The following DAAM1 variants were observed in gnomAD, a reference collection of about 807,000 sequenced individuals.
The protein encoded by DAAM1 is dishevelled associated activator of morphogenesis 1.
A neutral mutation model predicts 130.0 loss-of-function variants in DAAM1; 52 were observed. That is an observed-to-expected ratio of 0.40 (90% confidence interval 0.32 to 0.50). DAAM1 has a LOEUF of 0.50. DAAM1 is among the 20% of genes least tolerant of loss of function. DAAM1 has a pLI of 0.61. For synonymous variants in DAAM1, 452 were observed against 444.5 expected, an observed-to-expected ratio of 1.02 and a Z score of -0.21; for missense variants, 1,134 against 1,303.8, an observed-to-expected ratio of 0.87 and a Z score of 2.01.
At chr14:59,194,548 C>G (rs76256424) in intron 1 of DAAM1, among the ~76,000 whole-genome samples, 12,909 of 152,280 alleles carry the variant, frequency 0.085, 749 homozygotes, top group Non-Finnish European at 0.13. Flanking sequence ...TCACCCTGAA[C>G]AGGGCCACAG....
intron 22 of DAAM1, chr14:59,362,657 A>G (rs1162633257): frequency 1.3e-5 from 2 of 151,628 alleles, no homozygotes; most frequent in African/African-American, 2.4e-5. Flanking sequence ...AAAAAAATCA[A>G]TAAACTGAGG....
At chr14:59,366,926 A>G (rs566234766) in intron 23 of DAAM1, among the ~76,000 whole-genome samples, 9 of 151,916 alleles carry the variant, frequency 5.9e-5, no homozygotes, top group African/African-American at 2.2e-4. Context: ...TATTAAAAAA[A>G]AAAAAAACTA....
intron 21 of DAAM1, among the ~76,000 whole-genome samples, chr14:59,359,787 C>T (rs1251243964): frequency 2.0e-5 from 3 of 152,198 alleles, no homozygotes; most frequent in Non-Finnish European, 2.9e-5. Flanking sequence ...AATAAAGATG[C>T]ATGGCTAAGC....
chr14:59,345,721 T>C (rs999687370), intron 16 of DAAM1, among the ~76,000 whole-genome samples: 2 of 152,136 alleles, frequency 1.3e-5, no homozygotes, highest in Non-Finnish European at 2.9e-5. Flanking sequence ...CATGGGTGAG[T>C]GTGTGCTTTA....
chr14:59,363,126 T>C (rs938969235), intron 22 of DAAM1: 2 of 153,924 alleles, frequency 1.3e-5, no homozygotes, highest in African/African-American at 2.4e-5. Flanking sequence ...AAAACCAATA[T>C]GGTATGGACA....
chr14:59,349,672 A>C (rs917060014), intron 17 of DAAM1, among the ~76,000 whole-genome samples: 3 of 152,248 alleles, frequency 2.0e-5, no homozygotes, highest in African/African-American at 7.2e-5. Context: ...CTCTGATCTC[A>C]GATGAGAGAG....
chr14:59,370,437 A>C lies in DAAM1; in HGVS notation c.*1578A>C, dbSNP rs1887121361. 1 of 152,066 alleles carries C rather than the reference A, an allele frequency of 6.6e-6. No individual in the cohort carries two copies. Among genetic ancestry groups the C allele is most frequent in the South Asian group, 2.1e-4 (1 of 4,812 alleles). The allele number at this position is 152,066 out of a possible 1,614,324, so 9.4% of individuals were successfully genotyped here. On this transcript the variant is annotated 3_prime_UTR_variant, in exon 25 of 25. Coordinates refer to ENST00000360909, the MANE Select transcript of DAAM1 (RefSeq NM_001270520.2). Reference sequence around the variant, plus strand: ...TTCTAATGGGGATATTAAGGGATGAATAGAATACCAATGTGTGCACTGTAC... The same window carrying C: ...TTCTAATGGGGATATTAAGGGATGACTAGAATACCAATGTGTGCACTGTAC...
chr14:59,292,293 T>G (rs1883774770), intron 3 of DAAM1, among the ~76,000 whole-genome samples: 1 of 152,158 alleles, frequency 6.6e-6, no homozygotes, highest in African/African-American at 2.4e-5. Flanking sequence ...AATCCAATAT[T>G]TTTTCAAGAC....
chr14:59,324,083 TA>T, intron 6 of DAAM1, 44 bp from the exon 7 acceptor site: 1 of 1,199,254 alleles, frequency 8.3e-7, no homozygotes, highest in Non-Finnish European at 1.1e-6. Flanking sequence ...AAAATGAGCA[TA>T]AGGTTAGTAA....
intron 17 of DAAM1, among the ~76,000 whole-genome samples, chr14:59,349,657 C>CT (rs1304463389): frequency 1.3e-5 from 2 of 152,252 alleles, no homozygotes; most frequent in South Asian, 4.1e-4. Context: ...CTTGCAGCTG[C>CT]TGAGCTCTGA....
intron 22 of DAAM1, among the ~76,000 whole-genome samples, chr14:59,361,218 T>C (rs1206446796): frequency 1.3e-5 from 2 of 152,206 alleles, no homozygotes; most frequent in African/African-American, 2.4e-5. Flanking sequence ...TCACTTTCGG[T>C]AGAGCAGTAG....
intron 3 of DAAM1, among the ~76,000 whole-genome samples, chr14:59,294,578 T>TTA (rs397734279): frequency 6.6e-6 from 1 of 151,848 alleles, no homozygotes; most frequent in Non-Finnish European, 1.5e-5. Flanking sequence ...TTTTTTTTTT[T>TTA]ACTTTCATGA....
chr14:59,353,934 C>T lies in DAAM1; in HGVS notation c.2326C>T (p.Arg776Cys). ...GTACTTCAAAAAGAAGTTTGCAGAG[C>T]GTGTGGCAGAAGTGAAACCTAAAGT... ...SLYFKKKFAE[R>C]VAEVKPKVEA... The change falls in exon 19 of 25, where the codon CGT becomes TGT. Residue 776 changes from arginine (R) to cysteine (C), a missense_variant. Coordinates refer to ENST00000360909, the MANE Select transcript of DAAM1 (RefSeq NM_001270520.2). 1.9e-6 allele frequency: 3 copies of T among 1,613,988 alleles called. No homozygotes were observed. The highest frequency in any genetic ancestry group is 1.1e-5 in the South Asian group (1 of 91,070).
rs140345306 is a variant in DAAM1 at position 59,208,443 on chromosome 14, C to T, written c.-38+19675C>T. On this transcript the variant is annotated intron_variant, in intron 1 of 24. Transcript: ENST00000360909. Reference sequence around the variant, plus strand: ...TCAGCCAATCATCTGAGGCCATGGCCGGACTCCCCATCTTTGCAGTTTCGA... The same window carrying T: ...TCAGCCAATCATCTGAGGCCATGGCTGGACTCCCCATCTTTGCAGTTTCGA... 2.2e-3 allele frequency among the ~76,000 whole-genome samples: 333 copies of T among 152,288 alleles called. 1 individual carries two copies. Among genetic ancestry groups the T allele is most frequent in the African/African-American group, 7.4e-3 (307 of 41,570 alleles).
intron 1 of DAAM1, among the ~76,000 whole-genome samples, chr14:59,214,030 T>C (rs1888504551): frequency 6.6e-6 from 1 of 152,236 alleles, no homozygotes; most frequent in African/African-American, 2.4e-5. Flanking sequence ...TTAACGTACC[T>C]GGTTTGATTT....
chr14:59,293,402 G>A (rs1883829154), intron 3 of DAAM1, among the ~76,000 whole-genome samples: 1 of 152,184 alleles, frequency 6.6e-6, no homozygotes, highest in South Asian at 2.1e-4. Flanking sequence ...GAATCCCCTT[G>A]AAAACCTCAT....
At chr14:59,251,304 A>G (rs1000114258) in intron 1 of DAAM1, among the ~76,000 whole-genome samples, 1 of 152,238 alleles carries the variant, frequency 6.6e-6, no homozygotes, top group Admixed American at 6.5e-5. Context: ...GGGCCCGTGC[A>G]TTAAAATAAT....
At chr14:59,367,335 G>C in intron 23 of DAAM1, 94 bp from the exon 24 acceptor site, 1 of 1,486,520 alleles carries the variant, frequency 6.7e-7, no homozygotes, top group Non-Finnish European at 8.9e-7. Flanking sequence ...ACTTACGTTT[G>C]ACTCAATCTG....
intron 1 of DAAM1, among the ~76,000 whole-genome samples, chr14:59,200,304 G>A (rs1888060285): frequency 6.6e-6 from 1 of 152,174 alleles, no homozygotes; most frequent in African/African-American, 2.4e-5. Flanking sequence ...GGAGGATGGG[G>A]CTTTGGGGAA....
Sources: gnomAD v4.1 joint callset for allele counts (sites outside exome capture counted in the v4.1 genomes callset) on GRCh38, gnomAD v4.1.1 for gene constraint, MANE v1.5 for transcripts, NCBI Gene and HGNC (gene_info 2026-07-23, HGNC 2026-07-21) for gene names.